Variants in CELSR1 observed in about 807,000 individuals in gnomAD.
CELSR1 encodes the protein adhesion G protein-coupled receptor C1.
In CELSR1, 110 loss-of-function variants were observed where a neutral mutation model predicts 249.1. The ratio of observed to expected loss-of-function variants is 0.44; its 90% confidence interval spans 0.38 to 0.52. CELSR1 has a LOEUF of 0.52. Ranked by LOEUF, CELSR1 falls within the 20% of genes least tolerant of loss-of-function variation. The pLI, the probability that CELSR1 is intolerant of heterozygous loss-of-function variation, is 0.00. For synonymous variants in CELSR1, 2,113 were observed against 1,900.0 expected, an observed-to-expected ratio of 1.11 and a Z score of -2.92; for missense variants, 4,109 against 4,296.4, an observed-to-expected ratio of 0.96 and a Z score of 1.22.
At chr22:46,400,824 C>T (rs918154597) in intron 9 of CELSR1, among the ~76,000 whole-genome samples, 1 of 151,870 alleles carries the variant, frequency 6.6e-6, no homozygotes, top group African/African-American at 2.4e-5. Flanking sequence ...TGGTGGTGTG[C>T]TCCTGTAATC....
Position 46,441,071 on chromosome 22 carries a change from T to TCA in CELSR1, c.4184-1662_4184-1661dup, listed in dbSNP as rs1407294509. On this transcript the variant is annotated intron_variant, in intron 2 of 34. Coordinates refer to ENST00000674500, the MANE Select transcript of CELSR1 (RefSeq NM_001378328.1). This position sits in a 1 kb window ranked among gnomAD's most constrained non-coding sequence, Gnocchi z 6.1. ...GGGAGGCTGAGGCAGGAGAACTGCT[T>TCA]CAACCCGGGAGGCGGAGGTTGTAGC... 2.0e-5 allele frequency among the ~76,000 whole-genome samples: 3 copies of TCA among 150,942 alleles called. No individual in the cohort carries two copies. The highest frequency in any genetic ancestry group is 7.3e-5 in the African/African-American group (3 of 40,994).
chr22:46,469,729 G>C (rs1251632439), intron 1 of CELSR1, among the ~76,000 whole-genome samples: 1 of 151,234 alleles, frequency 6.6e-6, no homozygotes, highest in Non-Finnish European at 1.5e-5. Flanking sequence ...GGCCAGGCTG[G>C]TCTCGAACTC....
At position 46,534,764 on chromosome 22, in the gene CELSR1, GCCTGT is replaced by G; in HGVS notation, c.2402_2406del (p.Asp801AlafsTer14). 2.5e-6 allele frequency: 4 copies of G among 1,613,072 alleles called. No individual in the cohort carries two copies. The highest frequency in any genetic ancestry group is 3.4e-6 in the Non-Finnish European group (4 of 1,180,014). ...AGGGTAGCAATGGAGGTGCCCACAGGCCTGTCCTCACTGACACTCACTGTGTAATG... is the reference window on the plus strand; with the variant it reads ...AGGGTAGCAATGGAGGTGCCCACAGGCCTCACTGACACTCACTGTGTAATG... On this transcript the variant is annotated frameshift_variant, in exon 1 of 35. Coordinates refer to ENST00000674500, the MANE Select transcript of CELSR1 (RefSeq NM_001378328.1). LOFTEE classifies it high-confidence loss of function. This position sits in a 1 kb window ranked among gnomAD's most constrained non-coding sequence, Gnocchi z 9.7.
At chr22:46,379,864 A>G (rs7292940) in intron 22 of CELSR1, among the ~76,000 whole-genome samples, 2,811 of 152,160 alleles carry the variant, frequency 0.018, 88 homozygotes, top group African/African-American at 0.064. Flanking sequence ...GTGTGTGGGG[A>G]GGCAGTGGGT....
At position 46,436,239 on chromosome 22, in the gene CELSR1, T is replaced by C. The variant is rs140362172; in HGVS notation, c.4457A>G (p.Asn1486Ser). The change falls in exon 4 of 35, where the codon AAT (asparagine) becomes AGT (serine). Residue 1486 changes from asparagine to serine, a missense_variant. Coordinates refer to ENST00000674500, the MANE Select transcript of CELSR1 (RefSeq NM_001378328.1). The surrounding 1 kb of genome is among the most constrained non-coding windows in gnomAD (Gnocchi z 5.9). The part of the protein sequence containing the change: ...NGLLLYNGRF[N>S]EKHDFIALEI... Reference sequence around the variant, plus strand: ...CAGGGCGATGAAGTCGTGCTTCTCATTGAAGCGGCCGTTGTAGAGAAGCAA... The same window carrying C: ...CAGGGCGATGAAGTCGTGCTTCTCACTGAAGCGGCCGTTGTAGAGAAGCAA... 11 of 1,614,046 alleles carry C rather than the reference T, an allele frequency of 6.8e-6. No individual in the cohort carries two copies. Among genetic ancestry groups the C allele is most frequent in the African/African-American group, 1.3e-5 (1 of 74,938 alleles).
At chr22:46,486,788 A>G (rs2080317263) in intron 1 of CELSR1, among the ~76,000 whole-genome samples, 1 of 152,062 alleles carries the variant, frequency 6.6e-6, no homozygotes, top group Non-Finnish European at 1.5e-5. Context: ...GGTTGCAGTG[A>G]GCGGAGATCG....
rs1285412883 is a variant in CELSR1, at chr22:46,395,881, A to T, written c.5843+724T>A. On this transcript the variant is annotated intron_variant, in intron 13 of 34. Transcript: ENST00000674500. The surrounding 1 kb of genome is among the most constrained non-coding windows in gnomAD (Gnocchi z 5.5). ...CCCGTGCAAAGGGTACAGAGCCCAG[A>T]GCCCAGAGAGCACGCTGCTGCCTGT... is the stretch of plus-strand genomic sequence containing the variant. Among the ~76,000 whole-genome samples, 2 of 152,204 alleles carry T rather than the reference A, an allele frequency of 1.3e-5. No individual in the cohort carries two copies. Among genetic ancestry groups the T allele is most frequent in the Non-Finnish European group, 2.9e-5 (2 of 68,034 alleles).
intron 5 of CELSR1, among the ~76,000 whole-genome samples, chr22:46,431,413 C>T (rs774645972): frequency 1.3e-5 from 2 of 152,230 alleles, no homozygotes; most frequent in East Asian, 1.9e-4. Flanking sequence ...CCAAGGCTGA[C>T]TCGACCTCCC....
In CELSR1 at chr22:46,363,931, C is replaced by G; in HGVS notation, c.9035+65G>C. ...GTCAGGTCCCTGACCACTGCCCCCT[C>G]TCTCTCCTGACTCAGGACAAGGGGG... On this transcript the variant is annotated intron_variant, in intron 34 of 34. Coordinates refer to ENST00000674500, the MANE Select transcript of CELSR1 (RefSeq NM_001378328.1). This position sits in a 1 kb window ranked among gnomAD's most constrained non-coding sequence, Gnocchi z 4.3. The G allele has an allele frequency of 6.8e-7, 1 of 1,475,812 alleles. No homozygotes were observed. The highest frequency in any genetic ancestry group is 9.0e-7 in the Non-Finnish European group (1 of 1,112,076). 91.4% of individuals were successfully genotyped at this position (1,475,812 alleles called of 1,614,324 possible). A position where few individuals can be genotyped will look rare whatever the true frequency, so the allele number is the denominator to read the frequency against.
At chr22:46,389,171 G>A (rs1264349228) in intron 18 of CELSR1, 119 bp downstream of exon 18, 1 of 1,114,120 alleles carries the variant, frequency 9.0e-7, no homozygotes, top group Non-Finnish European at 1.3e-6. Flanking sequence ...TGAGGATGGG[G>A]ATCCTGGACA....
At chr22:46,392,551 A>G (rs1294837963) in intron 14 of CELSR1, among the ~76,000 whole-genome samples, 8 of 152,108 alleles carry the variant, frequency 5.3e-5, no homozygotes, top group Non-Finnish European at 8.8e-5. Context: ...TACATTTTGT[A>G]TAACTTTGTT....
Position 46,397,891 on chromosome 22 carries a change from G to A in CELSR1, c.5527-43C>T, listed in dbSNP as rs768107183. 6.0e-5 allele frequency: 87 copies of A among 1,438,986 alleles called. No individual in the cohort carries two copies. The Admixed American group carries it at 2.1e-3, about 34-fold the overall frequency. 89.1% of individuals were successfully genotyped at this position (1,438,986 alleles called of 1,614,324 possible). A position where few individuals can be genotyped will look rare whatever the true frequency, so the allele number is the denominator to read the frequency against. On this transcript the variant is annotated intron_variant, in intron 11 of 34. Transcript: ENST00000674500. The stretch of plus-strand genomic sequence containing the variant: ...CACTGGGGCTACAGGAGCCCGGAAA[G>A]GTATGTAGGGGTTAAGGGAACCCTG...
At chr22:46,474,277 T>C (rs1027634306) in intron 1 of CELSR1, among the ~76,000 whole-genome samples, 1 of 152,186 alleles carries the variant, frequency 6.6e-6, no homozygotes, top group Non-Finnish European at 1.5e-5. Flanking sequence ...GGAGCCCTCC[T>C]GACACCCCCA....
intron 14 of CELSR1, among the ~76,000 whole-genome samples, chr22:46,392,559 GTTTTT>G (rs375433380): frequency 6.7e-6 from 1 of 149,416 alleles, no homozygotes; most frequent in Non-Finnish European, 1.5e-5. Context: ...GTATAACTTT[GTTTTT>G]TTATTTTTTT....
At chr22:46,482,739 G>A (rs1392566191) in intron 1 of CELSR1, among the ~76,000 whole-genome samples, 1 of 152,004 alleles carries the variant, frequency 6.6e-6, no homozygotes, top group African/African-American at 2.4e-5. Context: ...TTATCTACAG[G>A]GTCCTTCATA....
At position 46,512,646 on chromosome 22, in the gene CELSR1, C is replaced by T. The variant is rs1170057221; in HGVS notation, c.3544+20981G>A. On this transcript the variant is annotated intron_variant, in intron 1 of 34. Transcript: ENST00000674500. This position sits in a 1 kb window ranked among gnomAD's most constrained non-coding sequence, Gnocchi z 5.2. ...GCTGAAGCCAGGAGGCCTCAAATGG[C>T]CTCACCACAGGTCCCCCGCCCCACT... Among the ~76,000 whole-genome samples, 8 of 152,182 alleles carry T rather than the reference C, an allele frequency of 5.3e-5. No homozygotes were observed. The highest frequency in any genetic ancestry group is 1.9e-4 in the African/African-American group (8 of 41,434).
intron 29 of CELSR1, among the ~76,000 whole-genome samples, 154 bp downstream of exon 29, chr22:46,366,839 C>T (rs1290845663): frequency 4.6e-5 from 7 of 152,302 alleles, no homozygotes; most frequent in South Asian, 2.1e-4. Flanking sequence ...CTGGTTCTGA[C>T]GCGGCAGCCA....
chr22:46,477,359 A>T, intron 1 of CELSR1, among the ~76,000 whole-genome samples: 1 of 152,188 alleles, frequency 6.6e-6, no homozygotes, highest in East Asian at 1.9e-4. Context: ...CTTTGCTTCA[A>T]GTCCTCACAG....
chr22:46,398,705 G>T lies in CELSR1; in HGVS notation c.5413-68C>A. The T allele has an allele frequency of 8.0e-7, 1 of 1,256,806 alleles. No homozygotes were observed. Among genetic ancestry groups the T allele is most frequent in the Non-Finnish European group, 1.1e-6 (1 of 884,500 alleles). The allele number at this position is 1,256,806 out of a possible 1,614,324, so 77.9% of individuals were successfully genotyped here. A position where few individuals can be genotyped will look rare whatever the true frequency, so the allele number is the denominator to read the frequency against. On this transcript the variant is annotated intron_variant, in intron 10 of 34. Coordinates refer to ENST00000674500, the MANE Select transcript of CELSR1 (RefSeq NM_001378328.1). This position sits in a 1 kb window ranked among gnomAD's most constrained non-coding sequence, Gnocchi z 7.2. ...CATCCTAGAAACGTCTCTCAGATGG[G>T]AAGGATACACTGGAAGTCTAAACAG...
Sources: allele counts gnomAD v4.1 joint callset (sites outside exome capture counted in the v4.1 genomes callset), GRCh38; gene constraint gnomAD v4.1.1; non-coding constraint Gnocchi (gnomAD v3.1); transcripts MANE v1.5; gene names NCBI Gene and HGNC (gene_info 2026-07-23, HGNC 2026-07-21).